Variants in FGGY observed in about 807,000 individuals in gnomAD.
FGGY encodes the protein FGGY carbohydrate kinase domain-containing protein.
A neutral mutation model predicts 71.3 loss-of-function variants in FGGY; 72 were observed. The ratio of observed to expected loss-of-function variants is 1.01; its 90% confidence interval spans 0.84 to 1.23. The LOEUF (loss-of-function observed/expected upper bound fraction) is 1.23, where lower values mean the gene tolerates loss of function less well. Ranked by LOEUF, FGGY falls within the 50% of genes most tolerant of loss-of-function variation. The pLI is 0.00. For synonymous variants in FGGY, 251 were observed against 250.3 expected (o/e 1.00, Z -0.02); for missense variants, 668 against 682.3 (o/e 0.98, Z 0.23).
chr1:59,327,000 C>T (rs1403743495), intron 2 of FGGY, among the ~76,000 whole-genome samples: 1 of 152,130 alleles, frequency 6.6e-6, no homozygotes, highest in Non-Finnish European at 1.5e-5. Flanking sequence ...TAATGATCAT[C>T]GAAGCCTGCA....
At chr1:59,546,523 G>GATTATTATTATTATT (rs1479582691) in intron 7 of FGGY, among the ~76,000 whole-genome samples, 46 of 74,402 alleles carry the variant, frequency 6.2e-4, no homozygotes, top group Middle Eastern at 9.7e-3. Context: ...TGATGATGAT[G>GATTATTATTATTATT]ATGATGATGA....
intron 11 of FGGY, among the ~76,000 whole-genome samples, chr1:59,657,501 G>T (rs1420860876): frequency 6.6e-6 from 1 of 152,194 alleles, no homozygotes; most frequent in Admixed American, 6.5e-5. Flanking sequence ...AGTGATCATT[G>T]CCAGGACCAC....
chr1:59,513,113 A>G (rs556625541), intron 7 of FGGY, among the ~76,000 whole-genome samples: 19 of 152,316 alleles, frequency 1.2e-4, no homozygotes, highest in African/African-American at 4.6e-4. Flanking sequence ...TTTGCAGGGG[A>G]AGTTGTTCTG....
intron 9 of FGGY, among the ~76,000 whole-genome samples, chr1:59,618,731 G>A (rs1017790324): frequency 5.3e-5 from 8 of 151,968 alleles, no homozygotes; most frequent in African/African-American, 1.9e-4. Flanking sequence ...GACTTAGACT[G>A]GGAGACTTAG....
At chr1:59,514,407 G>C (rs923580528) in intron 7 of FGGY, among the ~76,000 whole-genome samples, 5 of 152,186 alleles carry the variant, frequency 3.3e-5, no homozygotes, top group African/African-American at 1.2e-4. Flanking sequence ...CTTCTGCCCA[G>C]GACTCACTAT....
At chr1:59,407,966 G>A (rs1431933945) in intron 5 of FGGY, among the ~76,000 whole-genome samples, 11 of 152,176 alleles carry the variant, frequency 7.2e-5, no homozygotes, top group Non-Finnish European at 1.0e-4. Context: ...GGAAATCACA[G>A]GAAAGGTACT....
chr1:59,719,404 A>G (rs974814248), intron 14 of FGGY, among the ~76,000 whole-genome samples: 1 of 152,108 alleles, frequency 6.6e-6, no homozygotes, highest in Non-Finnish European at 1.5e-5. Context: ...ACCTTTCTCA[A>G]CCTCGGTTTC....
chr1:59,736,425 C>T (rs2098104540), intron 14 of FGGY, among the ~76,000 whole-genome samples: 1 of 152,034 alleles, frequency 6.6e-6, no homozygotes, highest in South Asian at 2.1e-4. Context: ...ATTTGGAACT[C>T]CCTAGAGACT....
At chr1:59,670,420 AAC>A (rs1270285711) in intron 13 of FGGY, among the ~76,000 whole-genome samples, 2 of 152,372 alleles carry the variant, frequency 1.3e-5, no homozygotes, top group Admixed American at 6.5e-5. Flanking sequence ...GCATGTGAAA[AAC>A]ACATTCGAAT....
chr1:59,720,333 A>G (rs1168511030), intron 14 of FGGY, among the ~76,000 whole-genome samples: 1 of 152,196 alleles, frequency 6.6e-6, no homozygotes, highest in Non-Finnish European at 1.5e-5. Flanking sequence ...GTCAGGGGGA[A>G]AAAAAGGTCC....
intron 5 of FGGY, among the ~76,000 whole-genome samples, chr1:59,394,719 G>A (rs1447763720): frequency 6.6e-6 from 1 of 152,080 alleles, no homozygotes; most frequent in Non-Finnish European, 1.5e-5. Flanking sequence ...GATTTGCATT[G>A]AAAAACCCAT....
intron 11 of FGGY, among the ~76,000 whole-genome samples, chr1:59,654,863 G>C (rs28714503): frequency 0.078 from 11,886 of 152,174 alleles, 1,256 homozygotes; most frequent in African/African-American, 0.24. Context: ...AAGATTTAAG[G>C]TGAAGTCCAG....
At chr1:59,538,539 G>A (rs1472650749) in intron 7 of FGGY, among the ~76,000 whole-genome samples, 1 of 147,152 alleles carries the variant, frequency 6.8e-6, no homozygotes, top group African/African-American at 2.6e-5. Context: ...AAAGACACAT[G>A]CACACGTATG....
chr1:59,554,538 C>G (rs2095655668), intron 8 of FGGY, among the ~76,000 whole-genome samples: 1 of 152,162 alleles, frequency 6.6e-6, no homozygotes, highest in African/African-American at 2.4e-5. Flanking sequence ...CTAGCTCCCC[C>G]AGACTGATCT....
chr1:59,567,554 A>G (rs532485854), intron 8 of FGGY, among the ~76,000 whole-genome samples: 3 of 152,084 alleles, frequency 2.0e-5, no homozygotes, highest in Admixed American at 6.6e-5. Flanking sequence ...TTATTCTCCT[A>G]TCATCTGTTT....
intron 5 of FGGY, among the ~76,000 whole-genome samples, chr1:59,384,035 G>A (rs1033612049): frequency 6.6e-6 from 1 of 152,148 alleles, no homozygotes; most frequent in African/African-American, 2.4e-5. Flanking sequence ...AGTGGAGGGC[G>A]TCTTGTTAAC....
At chr1:59,643,260 C>T (rs1345111929) in intron 11 of FGGY, among the ~76,000 whole-genome samples, 1 of 152,042 alleles carries the variant, frequency 6.6e-6, no homozygotes, top group Non-Finnish European at 1.5e-5. Flanking sequence ...CTAATCAGAA[C>T]CCACTGTAAC....
At chr1:59,735,370 G>T (rs748614081) in intron 14 of FGGY, among the ~76,000 whole-genome samples, 30 of 152,200 alleles carry the variant, frequency 2.0e-4, no homozygotes, top group Admixed American at 3.9e-4. Context: ...TCATGAGGAA[G>T]ATTTACAGCC....
chr1:59,704,565 T>G (rs2097738348), intron 14 of FGGY, among the ~76,000 whole-genome samples: 1 of 152,148 alleles, frequency 6.6e-6, no homozygotes, highest in Non-Finnish European at 1.5e-5. Flanking sequence ...GAAAAAGAGA[T>G]AACTTTTTTT....
Sources: gnomAD v4.1 joint callset for allele counts (sites outside exome capture counted in the v4.1 genomes callset) on GRCh38, gnomAD v4.1.1 for gene constraint, MANE v1.5 for transcripts, NCBI Gene and HGNC (gene_info 2026-07-23, HGNC 2026-07-21) for gene names.